The following GRIN3A variants were observed in gnomAD, a reference collection of about 807,000 sequenced individuals.
GRIN3A encodes the protein glutamate receptor ionotropic, NMDA 3A.
Under a neutral mutation model 92.4 loss-of-function variants are expected in GRIN3A, and 47 were observed. That is an observed-to-expected ratio of 0.51 (90% CI 0.40 to 0.65). GRIN3A has a LOEUF of 0.65. GRIN3A is among the 30% of genes least tolerant of loss of function. The probability of loss-of-function intolerance (pLI) is 0.00; values close to 1 mark genes in which losing one functional copy is unlikely to be tolerated. For missense variants in GRIN3A, 1,324 were observed against 1,393.1 expected (o/e 0.95, Z 0.79); for synonymous variants, 527 against 540.6 (o/e 0.97, Z 0.35).
chr9:101,652,478 C>T (rs569132197), intron 3 of GRIN3A, among the ~76,000 whole-genome samples: 2 of 151,952 alleles, frequency 1.3e-5, no homozygotes, highest in South Asian at 2.1e-4. Context: ...TGGCACTCTC[C>T]TTTCAAAAGA....
chr9:101,580,291 TCTC>T (rs1827872003), intron 6 of GRIN3A, among the ~76,000 whole-genome samples: 1 of 152,102 alleles, frequency 6.6e-6, no homozygotes, highest in Admixed American at 6.6e-5. Flanking sequence ...GAACTAAAGA[TCTC>T]CTGGCCAAAT....
At chr9:101,662,537 T>C (rs1407583693) in intron 3 of GRIN3A, among the ~76,000 whole-genome samples, 1 of 151,708 alleles carries the variant, frequency 6.6e-6, no homozygotes, top group Non-Finnish European at 1.5e-5. Context: ...TTACCAATAT[T>C]AAGCATTTCA....
At chr9:101,610,865 G>A (rs534800951) in intron 6 of GRIN3A, among the ~76,000 whole-genome samples, 2 of 152,126 alleles carry the variant, frequency 1.3e-5, no homozygotes, top group African/African-American at 2.4e-5. Context: ...TTGGGAGGCC[G>A]AGGCGGGCAG....
intron 1 of GRIN3A, among the ~76,000 whole-genome samples, chr9:101,719,219 C>T (rs11791480): frequency 6.6e-6 from 1 of 152,080 alleles, no homozygotes; most frequent in African/African-American, 2.4e-5. Flanking sequence ...GAGTTTGAGA[C>T]CAGCCTGGCC....
intron 3 of GRIN3A, among the ~76,000 whole-genome samples, chr9:101,657,272 G>A (rs1829102262): frequency 6.6e-6 from 1 of 151,754 alleles, no homozygotes; most frequent in Non-Finnish European, 1.5e-5. Flanking sequence ...TTAGTACAAT[G>A]GTTTTATGTG....
chr9:101,575,548 A>G (rs1052671303), intron 8 of GRIN3A, among the ~76,000 whole-genome samples: 1 of 152,232 alleles, frequency 6.6e-6, no homozygotes, highest in African/African-American at 2.4e-5. Context: ...AGGGCTATAT[A>G]TAAATCATCT....
chr9:101,675,320 ATTAC>A (rs1320002065), intron 2 of GRIN3A, among the ~76,000 whole-genome samples: 1 of 152,078 alleles, frequency 6.6e-6, no homozygotes, highest in Non-Finnish European at 1.5e-5. Context: ...CACTTTGCAA[ATTAC>A]TTAGAAAATG....
chr9:101,633,192 G>T (rs545019229), intron 3 of GRIN3A, among the ~76,000 whole-genome samples: 1 of 152,272 alleles, frequency 6.6e-6, no homozygotes, highest in South Asian at 2.1e-4. Flanking sequence ...TAATCCCAGT[G>T]CTGAGTATAC....
At chr9:101,580,652 G>T (rs2118787898) in intron 6 of GRIN3A, among the ~76,000 whole-genome samples, 1 of 152,216 alleles carries the variant, frequency 6.6e-6, no homozygotes, top group African/African-American at 2.4e-5. Context: ...CCACAAAAAA[G>T]GCATAGAAGA....
At chr9:101,684,311 A>C (rs1588281848) in intron 2 of GRIN3A, among the ~76,000 whole-genome samples, 1 of 108,284 alleles carries the variant, frequency 9.2e-6, no homozygotes, top group Non-Finnish European at 1.8e-5. Flanking sequence ...ACGGGGTTTC[A>C]CCATATTGGC....
intron 5 of GRIN3A, among the ~76,000 whole-genome samples, chr9:101,619,505 G>A (rs1313698706): frequency 6.6e-6 from 1 of 152,066 alleles, no homozygotes; most frequent in African/African-American, 2.4e-5. Flanking sequence ...TACAGTACAT[G>A]CTTTATATGT....
intron 2 of GRIN3A, among the ~76,000 whole-genome samples, chr9:101,683,860 G>C (rs978930934): frequency 6.6e-6 from 1 of 151,672 alleles, no homozygotes; most frequent in African/African-American, 2.4e-5. Context: ...GAGAGAGAGA[G>C]AGAGAGAGAG....
At chr9:101,658,760 GTCTA>G (rs60257626) in intron 3 of GRIN3A, among the ~76,000 whole-genome samples, 5,119 of 151,434 alleles carry the variant, frequency 0.034, 156 homozygotes, top group Non-Finnish European at 0.046. Flanking sequence ...CTGTCTATCT[GTCTA>G]TCTATCTATC....
chr9:101,619,467 A>G (rs943181585), intron 5 of GRIN3A, among the ~76,000 whole-genome samples: 6 of 152,204 alleles, frequency 3.9e-5, no homozygotes, highest in Admixed American at 3.3e-4. Context: ...TAATTTGTTG[A>G]GCACTTCTTA....
At position 101,573,308 on chromosome 9, in the gene GRIN3A, G is replaced by T. The variant is rs750171888; in HGVS notation, c.3214C>A (p.Arg1072=). The T allele has an allele frequency of 6.2e-7, 1 of 1,613,914 alleles. No homozygotes were observed. Among genetic ancestry groups the T allele is most frequent in the African/African-American group, 1.3e-5 (1 of 74,878 alleles). Residue 1072 remains arginine (R), a synonymous_variant, in exon 9 of 9, where the codon CGG becomes AGG. Transcript: ENST00000361820. ...GAGAGTTCCTGCATCACTGAGTTCC[G>T]AGATACATTTAGGGAGTCTGCTTTC... is the stretch of plus-strand genomic sequence containing the variant. ...NGKADSLNVS[R]NSVMQELSEL...
chr9:101,583,751 T>C lies in GRIN3A; in HGVS notation c.2767-4391A>G, dbSNP rs1314843006. Among the ~76,000 whole-genome samples, 4 of 152,122 alleles carry C rather than the reference T, an allele frequency of 2.6e-5. No individual in the cohort carries two copies. In the East Asian group the frequency reaches 7.7e-4, roughly 29 times the overall value. On this transcript the variant is annotated intron_variant, in intron 6 of 8. Transcript: ENST00000361820. Reference sequence around the variant, plus strand: ...CATATGTTTTGAGGTTGTTGTTTTTTCCCCCTTTATCCCATTGCTTCAGCT... The same window carrying C: ...CATATGTTTTGAGGTTGTTGTTTTTCCCCCCTTTATCCCATTGCTTCAGCT...
chr9:101,594,151 T>A (rs1383608530), intron 6 of GRIN3A: 6 of 412,624 alleles, frequency 1.5e-5, no homozygotes, highest in Non-Finnish European at 2.6e-5. Context: ...AAGTAAAAGA[T>A]GTTTATAAAA....
Position 101,675,400 on chromosome 9 carries a change from C to T in GRIN3A, c.1305-4293G>A, listed in dbSNP as rs28612816. Reference sequence around the variant, plus strand: ...ATATATTTAATATATATTTTAGAAGCCATATTTGCATGCAAAATGTTGACA... The same window carrying T: ...ATATATTTAATATATATTTTAGAAGTCATATTTGCATGCAAAATGTTGACA... On this transcript the variant is annotated intron_variant, in intron 2 of 8. Coordinates refer to ENST00000361820, the MANE Select transcript of GRIN3A (RefSeq NM_133445.3). 7.4e-3 allele frequency among the ~76,000 whole-genome samples: 1,131 copies of T among 151,834 alleles called. 12 individuals carry two copies. The highest frequency in any genetic ancestry group is 0.026 in the African/African-American group (1,092 of 41,472).
chr9:101,639,363 C>A (rs896119780), intron 3 of GRIN3A, among the ~76,000 whole-genome samples: 3 of 151,916 alleles, frequency 2.0e-5, no homozygotes, highest in African/African-American at 7.3e-5. Context: ...AAGGAGGATG[C>A]CTTTAAGCCT....
Sources: gnomAD v4.1 joint callset for allele counts (sites outside exome capture counted in the v4.1 genomes callset) on GRCh38, gnomAD v4.1.1 for gene constraint, MANE v1.5 for transcripts, NCBI Gene and HGNC (gene_info 2026-07-23, HGNC 2026-07-21) for gene names.